The following CRTAM variants were observed in gnomAD, a reference collection of about 807,000 sequenced individuals.
The protein encoded by CRTAM is cytotoxic and regulatory T-cell molecule.
CRTAM carries 44 observed loss-of-function variants against 50.0 expected under a neutral mutation model. The observed-to-expected ratio is 0.88, with a 90% confidence interval of 0.69 to 1.13. CRTAM has a LOEUF of 1.13. Ranked by LOEUF, CRTAM falls within the 50% of genes most tolerant of loss-of-function variation. The pLI is 0.00. For synonymous variants in CRTAM, 159 were observed against 169.3 expected, an observed-to-expected ratio of 0.94 and a Z score of 0.47; for missense variants, 448 against 457.5, an observed-to-expected ratio of 0.98 and a Z score of 0.19.
intron 1 of CRTAM, among the ~76,000 whole-genome samples, chr11:122,845,851 G>GT (rs376604399): frequency 7.0e-4 from 107 of 151,896 alleles, no homozygotes; most frequent in African/African-American, 2.5e-3. Flanking sequence ...GAGAATGACA[G>GT]TTTTTTTTCT....
intron 6 of CRTAM, among the ~76,000 whole-genome samples, chr11:122,863,347 A>AAGAAAGAAAGAAAGAAAGAGAAAGAAAG (rs1565292766): frequency 1.6e-4 from 19 of 117,420 alleles, no homozygotes; most frequent in African/African-American, 6.0e-4. Flanking sequence ...GAAAGAAAGA[A>AAGAAAGAAAGAAAGAAAGAGAAAGAAAG]AGAAAAAGAA....
intron 1 of CRTAM, among the ~76,000 whole-genome samples, chr11:122,843,257 G>A (rs567397755): frequency 6.6e-6 from 1 of 152,290 alleles, no homozygotes; most frequent in South Asian, 2.1e-4. Flanking sequence ...GGTGATGACG[G>A]TGAAGGTCAC....
chr11:122,853,140 T>C (rs1470486472), intron 3 of CRTAM, among the ~76,000 whole-genome samples: 1 of 151,808 alleles, frequency 6.6e-6, no homozygotes, highest in African/African-American at 2.4e-5. Context: ...CTCGGCTTAC[T>C]GCACACAACC....
chr11:122,868,747 G>A (rs1198669083), intron 9 of CRTAM, among the ~76,000 whole-genome samples: 1 of 152,194 alleles, frequency 6.6e-6, no homozygotes, highest in African/African-American at 2.4e-5. Flanking sequence ...GGTGGCTCAC[G>A]CCTGTAATCC....
At chr11:122,839,587 G>C (rs566865048) in intron 1 of CRTAM, among the ~76,000 whole-genome samples, 4 of 152,254 alleles carry the variant, frequency 2.6e-5, no homozygotes, top group African/African-American at 9.6e-5. Context: ...CCTTTTTGGA[G>C]CAGGTCAAAT....
rs73602743 is a variant in CRTAM, at chr11:122,842,866, A to G, written c.46+4274A>G. ...GGCAGGTGGCATATCTGTGTTAGAC[A>G]TGGGTGGAGCATGGGGACAGTAGAG... On this transcript the variant is annotated intron_variant, in intron 1 of 9. Coordinates refer to ENST00000227348, the MANE Select transcript of CRTAM (RefSeq NM_019604.4). 3.0e-3 allele frequency among the ~76,000 whole-genome samples: 453 copies of G among 152,270 alleles called. 1 individual carries two copies. Among genetic ancestry groups the G allele is most frequent in the African/African-American group, 9.9e-3 (410 of 41,544 alleles).
Position 122,871,530 on chromosome 11 carries a change from G to C in CRTAM, c.*131G>C. The stretch of plus-strand genomic sequence containing the variant: ...TAGTGCAATGCAAGATGGTGTCCTC[G>C]GATAATGATCTGCCCCGGAGCTAGG... On this transcript the variant is annotated 3_prime_UTR_variant, in exon 10 of 10. Transcript: ENST00000227348. 3.0e-6 allele frequency: 2 copies of C among 675,398 alleles called. No individual in the cohort carries two copies. The highest frequency in any genetic ancestry group is 4.7e-6 in the Non-Finnish European group (2 of 429,296). 41.8% of individuals were successfully genotyped at this position (675,398 alleles called of 1,614,324 possible). A position where few individuals can be genotyped will look rare whatever the true frequency, so the allele number is the denominator to read the frequency against.
At chr11:122,866,622 T>TA (rs1357592043) in intron 7 of CRTAM, among the ~76,000 whole-genome samples, 1 of 142,432 alleles carries the variant, frequency 7.0e-6, no homozygotes, top group Admixed American at 7.1e-5. Context: ...TTTTTTTTTT[T>TA]AAGAGACAGG....
chr11:122,868,086 G>GA lies in CRTAM; in HGVS notation c.1043dup (p.Asn348LysfsTer76). The GA allele has an allele frequency of 6.2e-7, 1 of 1,608,668 alleles. No individual in the cohort carries two copies. Among genetic ancestry groups the GA allele is most frequent in the Non-Finnish European group, 8.5e-7 (1 of 1,175,252 alleles). On this transcript the variant is annotated frameshift_variant, in exon 9 of 10. Transcript: ENST00000227348. LOFTEE classifies it high-confidence loss of function. ...ATAATGAAGAAACATCATCTGAAGA[G>GA]AAAAATGGCCAATGTAAGTCAACTG... is the stretch of plus-strand genomic sequence containing the variant.
Position 122,855,734 on chromosome 11 carries a change from GTAA to G in CRTAM, c.533_535del (p.Asn178del). 6.2e-7 allele frequency: 1 copy of G among 1,614,112 alleles called. No homozygotes were observed. The highest frequency in any genetic ancestry group is 8.5e-7 in the Non-Finnish European group (1 of 1,179,968). On this transcript the variant is annotated inframe_deletion, in exon 5 of 10. Transcript: ENST00000227348. The stretch of plus-strand genomic sequence containing the variant: ...GAATTTGAAACTGATGGGAAGAAAT[GTAA>G]TACTACCAGCACTCTCATAATCCAC...
rs1419599157 is a variant in CRTAM, at chr11:122,871,431, GTT to G, written c.*33_*34del. The G allele has an allele frequency of 7.5e-6, 12 of 1,592,594 alleles. No homozygotes were observed. The highest frequency in any genetic ancestry group is 9.4e-6 in the Non-Finnish European group (11 of 1,168,780). ...CTGCAATGGAACATGTGATTTCAGG[GTT>G]GCCGCAGTGTCACCTCAGTGGACCA... On this transcript the variant is annotated 3_prime_UTR_variant, in exon 10 of 10. Coordinates refer to ENST00000227348, the MANE Select transcript of CRTAM (RefSeq NM_019604.4).
At chr11:122,840,348 G>C (rs997214721) in intron 1 of CRTAM, among the ~76,000 whole-genome samples, 2 of 152,072 alleles carry the variant, frequency 1.3e-5, no homozygotes, top group African/African-American at 4.8e-5. Flanking sequence ...TTTAAAGCTA[G>C]AATATGACAA....
intron 1 of CRTAM, among the ~76,000 whole-genome samples, chr11:122,842,223 A>G (rs936669534): frequency 2.6e-5 from 4 of 152,220 alleles, no homozygotes; most frequent in African/African-American, 9.6e-5. Context: ...AGCCATAGCA[A>G]ACACTTGAAT....
At chr11:122,843,318 G>A (rs1861822327) in intron 1 of CRTAM, among the ~76,000 whole-genome samples, 1 of 152,190 alleles carries the variant, frequency 6.6e-6, no homozygotes. Flanking sequence ...CCCAGGATCA[G>A]CTAGCAATCT....
Position 122,838,843 on chromosome 11 carries a change from C to T in CRTAM, c.46+251C>T, listed in dbSNP as rs144316593. ...GTGTGTCTCTGTGGGTCCTATGTTA[C>T]GGCAAGATGAAACAAGCTTATTAGG... On this transcript the variant is annotated intron_variant, in intron 1 of 9. Coordinates refer to ENST00000227348, the MANE Select transcript of CRTAM (RefSeq NM_019604.4). 8.1e-3 allele frequency among the ~76,000 whole-genome samples: 1,240 copies of T among 152,154 alleles called. 10 individuals carry two copies. Among genetic ancestry groups the T allele is most frequent in the Admixed American group, 0.016 (241 of 15,284 alleles).
At chr11:122,867,582 G>A (rs1565294311) in intron 8 of CRTAM, 27 bp downstream of exon 8, 2 of 1,599,570 alleles carry the variant, frequency 1.3e-6, no homozygotes, top group Non-Finnish European at 1.7e-6. Flanking sequence ...CCTGACGGGG[G>A]CTATAAGACG....
intron 2 of CRTAM, 21 bp from the exon 3 acceptor site, chr11:122,851,672 C>T (rs779907684): frequency 1.9e-6 from 3 of 1,612,960 alleles, no homozygotes; most frequent in South Asian, 1.1e-5. Flanking sequence ...CTCATAACAG[C>T]TCTATTTCCC....
chr11:122,863,325 GAA>G (rs1174681891), intron 6 of CRTAM, among the ~76,000 whole-genome samples: 7 of 61,874 alleles, frequency 1.1e-4, no homozygotes, highest in African/African-American at 3.3e-4. Context: ...GAAAGAAAAA[GAA>G]AGAAAGAAAG....
In CRTAM at chr11:122,853,929, C is replaced by A. The variant is rs778426314; in HGVS notation, c.347-14C>A. The A allele has an allele frequency of 2.5e-6, 4 of 1,611,992 alleles. No individual in the cohort carries two copies. The highest frequency in any genetic ancestry group is 2.5e-6 in the Non-Finnish European group (3 of 1,179,160). On this transcript the variant is annotated splice_polypyrimidine_tract_variant and intron_variant, in intron 3 of 9. Coordinates refer to ENST00000227348, the MANE Select transcript of CRTAM (RefSeq NM_019604.4). Reference sequence around the variant, plus strand: ...TCATATCTAATTAACACAGAAAAATCCATTTTGTTCTAGCAACTCCTTTCA... The same window carrying A: ...TCATATCTAATTAACACAGAAAAATACATTTTGTTCTAGCAACTCCTTTCA...
Sources: allele counts gnomAD v4.1 joint callset (sites outside exome capture counted in the v4.1 genomes callset), GRCh38; gene constraint gnomAD v4.1.1; transcripts MANE v1.5; gene names NCBI Gene and HGNC (gene_info 2026-07-23, HGNC 2026-07-21).